MICU3: variants seen among roughly 807,000 people sequenced by gnomAD.
The protein encoded by MICU3 is mitochondrial calcium uptake 3, also known as calcium uptake protein 3, mitochondrial.
In MICU3, 62 loss-of-function variants were observed where a neutral mutation model predicts 66.5. The ratio of observed to expected loss-of-function variants is 0.93; its 90% CI spans 0.76 to 1.15. MICU3 has a LOEUF of 1.15. Among genes scored for constraint, MICU3 ranks in the 50% most tolerant of loss-of-function variants. MICU3 has a pLI of 0.00. For synonymous variants in MICU3, 308 were observed against 240.7 expected (o/e 1.28, Z -2.59); for missense variants, 779 against 664.4 (o/e 1.17, Z -1.90).
chr8:17,070,649 T>G (rs946667737), intron 3 of MICU3, among the ~76,000 whole-genome samples: 2 of 150,266 alleles, frequency 1.3e-5, no homozygotes, highest in African/African-American at 4.9e-5. Context: ...TTTTTTTTTT[T>G]TAAAAAAAAG....
At chr8:17,130,391 C>T in the MICU3 span, among the ~76,000 whole-genome samples, 71 of 151,934 alleles carry the variant, frequency 4.7e-4, no homozygotes, top group African/African-American at 1.1e-3. Flanking sequence ...GGCGTGGTGG[C>T]GCATGCCTGT....
At chr8:17,033,314 A>G (rs1480909299) in intron 1 of MICU3, among the ~76,000 whole-genome samples, 4 of 152,272 alleles carry the variant, frequency 2.6e-5, no homozygotes, top group East Asian at 1.9e-4. Context: ...GTGAACACAC[A>G]GATTATAAGG....
intron 1 of MICU3, among the ~76,000 whole-genome samples, chr8:17,056,901 C>T (rs1026950886): frequency 1.7e-4 from 26 of 152,262 alleles, no homozygotes; most frequent in African/African-American, 6.3e-4. Flanking sequence ...AGAGAAATTG[C>T]GAAGTTAAGC....
chr8:17,071,343 C>T (rs888775186), intron 3 of MICU3, among the ~76,000 whole-genome samples: 1 of 152,176 alleles, frequency 6.6e-6, no homozygotes, highest in African/African-American at 2.4e-5. Flanking sequence ...GGCCTCTCCC[C>T]TTAGCTTTTA....
intron 11 of MICU3, among the ~76,000 whole-genome samples, chr8:17,109,337 C>T (rs1227990012): frequency 2.0e-5 from 3 of 151,996 alleles, no homozygotes; most frequent in African/African-American, 4.8e-5. Context: ...ATTTTACCTA[C>T]AGATTTATTC....
intron 1 of MICU3, among the ~76,000 whole-genome samples, chr8:17,061,662 T>C (rs1329230460): frequency 6.6e-6 from 1 of 152,090 alleles, no homozygotes; most frequent in East Asian, 1.9e-4. Flanking sequence ...TGGTGATAAA[T>C]CATGGTTGAT....
the MICU3 span, among the ~76,000 whole-genome samples, chr8:17,130,709 C>A: frequency 6.6e-6 from 1 of 151,890 alleles, no homozygotes; most frequent in South Asian, 2.1e-4. Flanking sequence ...ACCCATAGAA[C>A]CGTAAGTGAG....
the MICU3 span, among the ~76,000 whole-genome samples, chr8:17,136,500 C>G: frequency 6.6e-6 from 1 of 152,060 alleles, no homozygotes; most frequent in Non-Finnish European, 1.5e-5. Flanking sequence ...AAATTCTTAA[C>G]AATTTTTAAG....
chr8:17,033,687 T>G (rs557817332), intron 1 of MICU3, among the ~76,000 whole-genome samples: 3 of 152,290 alleles, frequency 2.0e-5, no homozygotes, highest in East Asian at 1.9e-4. Context: ...TTTGCCCGAC[T>G]TGGCCTCCCA....
At chr8:17,028,721 C>T (rs1042282228) in intron 1 of MICU3, among the ~76,000 whole-genome samples, 2 of 152,068 alleles carry the variant, frequency 1.3e-5, no homozygotes, top group Non-Finnish European at 2.9e-5. Context: ...AGATCACAAG[C>T]ACATAACATA....
chr8:17,088,414 A>G (rs760932589), intron 7 of MICU3, among the ~76,000 whole-genome samples: 3 of 152,010 alleles, frequency 2.0e-5, no homozygotes, highest in Admixed American at 6.6e-5. Flanking sequence ...AAGACTAGAG[A>G]ATTGAATACT....
In MICU3 at chr8:17,108,297, A is replaced by G. The variant is rs1585536769; in HGVS notation, c.1257+2713A>G. On this transcript the variant is annotated intron_variant, in intron 11 of 14. Transcript: ENST00000318063. ...GAATCTAGCGGTCAAGGGTGCAGTC[A>G]GGACTACTGATTAGTAGTCATTAGT... is the stretch of plus-strand genomic sequence containing the variant. Among the ~76,000 whole-genome samples the G allele has an allele frequency of 2.0e-5, 3 of 152,176 alleles. No individual in the cohort carries two copies. The East Asian group carries it at 5.8e-4, about 29-fold the overall frequency.
intron 1 of MICU3, among the ~76,000 whole-genome samples, chr8:17,043,817 A>G (rs1781648660): frequency 6.6e-6 from 1 of 152,246 alleles, no homozygotes; most frequent in Non-Finnish European, 1.5e-5. Flanking sequence ...AACTTAACAA[A>G]TCAAAGTCAA....
chr8:17,069,446 G>A (rs117689011), intron 2 of MICU3, among the ~76,000 whole-genome samples: 3,305 of 152,070 alleles, frequency 0.022, 55 homozygotes, highest in Middle Eastern at 0.038. Context: ...AAGATGATAC[G>A]GCTGTGGAGA....
At chr8:17,067,832 A>G (rs1818952047) in intron 2 of MICU3, among the ~76,000 whole-genome samples, 1 of 152,272 alleles carries the variant, frequency 6.6e-6, no homozygotes, top group African/African-American at 2.4e-5. Flanking sequence ...AGTTTTTGAT[A>G]TCATTTTATG....
At chr8:17,092,332 A>G (rs1419724844) in intron 8 of MICU3, among the ~76,000 whole-genome samples, 2 of 152,046 alleles carry the variant, frequency 1.3e-5, no homozygotes, top group Non-Finnish European at 2.9e-5. Context: ...ACGTTGCTAA[A>G]AGAAAATAGA....
chr8:17,069,615 G>C (rs1819241989), intron 2 of MICU3, 73 bp from the exon 3 acceptor site: 3 of 939,758 alleles, frequency 3.2e-6, no homozygotes, highest in South Asian at 1.8e-5. Context: ...TATGGTTGTA[G>C]ATGGTTAGCA....
chr8:17,038,465 A>G (rs1339081953), intron 1 of MICU3, among the ~76,000 whole-genome samples: 2 of 152,170 alleles, frequency 1.3e-5, no homozygotes, highest in Admixed American at 6.5e-5. Context: ...GCCTTGTGCA[A>G]CTGTTAGTCA....
At chr8:17,056,952 A>G (rs969441878) in intron 1 of MICU3, among the ~76,000 whole-genome samples, 6 of 152,252 alleles carry the variant, frequency 3.9e-5, no homozygotes, top group Admixed American at 3.9e-4. Context: ...GGAGCTGGCC[A>G]TGGCAGAGAC....
Sources: allele counts gnomAD v4.1 joint callset (sites outside exome capture counted in the v4.1 genomes callset), GRCh38; gene constraint gnomAD v4.1.1; transcripts MANE v1.5; gene names NCBI Gene and HGNC (gene_info 2026-07-23, HGNC 2026-07-21).